Variants in NCKAP5 observed in about 807,000 individuals in gnomAD.
The protein encoded by NCKAP5 is nck-associated protein 5.
In NCKAP5, 92 loss-of-function variants were observed where a neutral mutation model predicts 167.0. The observed-to-expected ratio is 0.55, with a 90% CI of 0.47 to 0.66. NCKAP5 has a LOEUF of 0.66. Among genes scored for constraint, NCKAP5 ranks in the 30% least tolerant of loss-of-function variants. The pLI is 0.00. For synonymous variants in NCKAP5, 891 were observed against 877.4 expected, an observed-to-expected ratio of 1.02 and a Z score of -0.27; for missense variants, 2,378 against 2,315.0, an observed-to-expected ratio of 1.03 and a Z score of -0.56.
At chr2:133,323,972 G>A (rs1682250850) in intron 3 of NCKAP5, among the ~76,000 whole-genome samples, 1 of 152,210 alleles carries the variant, frequency 6.6e-6, no homozygotes, top group Non-Finnish European at 1.5e-5. Flanking sequence ...CTCCTGGGAT[G>A]GCACAAAGTT....
chr2:133,515,572 T>C (rs1169867239), intron 3 of NCKAP5, among the ~76,000 whole-genome samples: 2 of 152,138 alleles, frequency 1.3e-5, no homozygotes, highest in Non-Finnish European at 2.9e-5. Flanking sequence ...TGCCAGCAAG[T>C]CAAGAAACAT....
chr2:133,040,793 T>C (rs1364118670), intron 6 of NCKAP5, among the ~76,000 whole-genome samples: 2 of 152,178 alleles, frequency 1.3e-5, no homozygotes, highest in Non-Finnish European at 2.9e-5. Context: ...CAAAAGGGAA[T>C]TGATTTAGAT....
intron 3 of NCKAP5, among the ~76,000 whole-genome samples, chr2:133,498,433 C>CAGAA (rs1399663293): frequency 3.3e-4 from 33 of 100,384 alleles, no homozygotes; most frequent in South Asian, 2.3e-3. Context: ...ATGAGAAAAA[C>CAGAA]GGAAGGAAGG....
chr2:132,845,999 A>C (rs1476984036), intron 11 of NCKAP5, among the ~76,000 whole-genome samples: 1 of 151,984 alleles, frequency 6.6e-6, no homozygotes, highest in Non-Finnish European at 1.5e-5. Flanking sequence ...ATTTCTTATT[A>C]GGTTTATTGC....
intron 6 of NCKAP5, among the ~76,000 whole-genome samples, chr2:133,060,806 A>C (rs1480274142): frequency 2.0e-5 from 3 of 152,190 alleles, no homozygotes; most frequent in African/African-American, 7.2e-5. Context: ...AGGAGGCAGC[A>C]TATTGGGCAG....
chr2:133,457,309 G>A (rs557218003), intron 3 of NCKAP5, among the ~76,000 whole-genome samples: 5 of 152,222 alleles, frequency 3.3e-5, no homozygotes, highest in Admixed American at 6.5e-5. Context: ...GGCTTCCAGT[G>A]TCTGTAGAGC....
intron 5 of NCKAP5, among the ~76,000 whole-genome samples, chr2:133,158,936 T>G (rs1261473998): frequency 8.2e-6 from 1 of 121,918 alleles, no homozygotes; most frequent in Non-Finnish European, 1.8e-5. Flanking sequence ...CTACAGTAGA[T>G]AGAACAACAG....
intron 6 of NCKAP5, among the ~76,000 whole-genome samples, chr2:133,106,357 G>C (rs1382842416): frequency 1.3e-5 from 2 of 151,448 alleles, no homozygotes; most frequent in Non-Finnish European, 2.9e-5. Flanking sequence ...AGAGCATTAA[G>C]TGTGGGCTAT....
intron 16 of NCKAP5, among the ~76,000 whole-genome samples, chr2:132,761,353 G>A (rs895390677): frequency 1.3e-5 from 2 of 152,190 alleles, no homozygotes; most frequent in African/African-American, 4.8e-5. Context: ...GAGACTTCCG[G>A]TGTTGAAACC....
intron 16 of NCKAP5, among the ~76,000 whole-genome samples, chr2:132,765,308 C>CTTT (rs1170247644): frequency 1.4e-3 from 163 of 114,242 alleles, no homozygotes; most frequent in Non-Finnish European, 1.8e-3. Context: ...TTCTTTCTTT[C>CTTT]TTTTTTTTTT....
intron 19 of NCKAP5, among the ~76,000 whole-genome samples, chr2:132,701,709 A>C (rs1687901573): frequency 6.6e-6 from 1 of 152,212 alleles, no homozygotes; most frequent in Non-Finnish European, 1.5e-5. Context: ...ATGAGGTTTT[A>C]GTTCTCAAGG....
chr2:132,878,233 C>T (rs917935102), intron 9 of NCKAP5, among the ~76,000 whole-genome samples: 1 of 152,184 alleles, frequency 6.6e-6, no homozygotes, highest in Admixed American at 6.5e-5. Flanking sequence ...TCTTTGCCAT[C>T]ATCTCTTCAT....
intron 6 of NCKAP5, among the ~76,000 whole-genome samples, chr2:133,113,849 G>C (rs9630920): frequency 0.16 from 24,431 of 152,158 alleles, 2,655 homozygotes; most frequent in East Asian, 0.56. Context: ...GGTGAGAGAA[G>C]AAAGGGAGCC....
chr2:132,744,315 T>C (rs1393656981), intron 16 of NCKAP5, among the ~76,000 whole-genome samples: 1 of 151,570 alleles, frequency 6.6e-6, no homozygotes, highest in Non-Finnish European at 1.5e-5. Flanking sequence ...ACCGAAGCCA[T>C]GGAAAATATG....
At chr2:133,532,109 C>T (rs758101729) in intron 2 of NCKAP5, among the ~76,000 whole-genome samples, 3 of 152,190 alleles carry the variant, frequency 2.0e-5, no homozygotes, top group Non-Finnish European at 4.4e-5. Context: ...TTTCTATATT[C>T]AGTTGTAATT....
At chr2:133,413,884 G>C (rs765992764) in intron 3 of NCKAP5, among the ~76,000 whole-genome samples, 8 of 152,144 alleles carry the variant, frequency 5.3e-5, no homozygotes, top group Non-Finnish European at 1.2e-4. Context: ...AGATTTTTCT[G>C]TTTTTCTATA....
intron 3 of NCKAP5, among the ~76,000 whole-genome samples, chr2:133,500,710 T>A (rs1210458445): frequency 1.4e-4 from 21 of 152,326 alleles, no homozygotes; most frequent in African/African-American, 4.8e-4. Flanking sequence ...AATATCTCAT[T>A]TTTAGACAGC....
chr2:133,175,058 A>AG (rs1226563298), intron 5 of NCKAP5, among the ~76,000 whole-genome samples: 1 of 152,218 alleles, frequency 6.6e-6, no homozygotes, highest in Non-Finnish European at 1.5e-5. Flanking sequence ...AGTTTTCACC[A>AG]GTCTGATAAG....
chr2:133,654,246 T>G, the NCKAP5 span, among the ~76,000 whole-genome samples: 1 of 151,974 alleles, frequency 6.6e-6, no homozygotes, highest in East Asian at 1.9e-4. Flanking sequence ...CTGGGTGTGA[T>G]GGGCACCTAT....
Sources: gnomAD v4.1 joint callset for allele counts (sites outside exome capture counted in the v4.1 genomes callset) on GRCh38, gnomAD v4.1.1 for gene constraint, MANE v1.5 for transcripts, NCBI Gene and HGNC (gene_info 2026-07-23, HGNC 2026-07-21) for gene names.